The following PIKFYVE variants were observed in gnomAD, a reference collection of about 807,000 sequenced individuals.
PIKFYVE encodes the protein 1-phosphatidylinositol 3-phosphate 5-kinase.
PIKFYVE carries 122 observed loss-of-function variants against 257.9 expected under a neutral mutation model. The ratio of observed to expected loss-of-function variants is 0.47; its 90% confidence interval spans 0.41 to 0.55. The LOEUF (loss-of-function observed/expected upper bound fraction) is 0.55. Among genes scored for constraint, PIKFYVE ranks in the 20% least tolerant of loss-of-function variants. The pLI, the probability that PIKFYVE is intolerant of heterozygous loss-of-function variation, is 0.00. For missense variants in PIKFYVE, 2,160 were observed against 2,536.6 expected (o/e 0.85, Z 3.19); for synonymous variants, 892 against 868.9 (o/e 1.03, Z -0.47).
rs759191756 is a variant in PIKFYVE, at chr2:208,345,144, G to A, written c.5061G>A (p.Leu1687=). The change falls in exon 33 of 42, where the codon TTG becomes TTA. Residue 1687 remains leucine, a synonymous_variant. Coordinates refer to ENST00000264380, the MANE Select transcript of PIKFYVE (RefSeq NM_015040.4). ...CKEYRNALEE[L]SKATQWNSAE... Reference sequence around the variant, plus strand: ...AATACCGAAATGCCTTAGAGGAATTGTCTAAAGCGACTCAGTGGAACAGTG... The same window carrying A: ...AATACCGAAATGCCTTAGAGGAATTATCTAAAGCGACTCAGTGGAACAGTG... 1 of 1,612,386 alleles carries A rather than the reference G, an allele frequency of 6.2e-7. No individual in the cohort carries two copies. Among genetic ancestry groups the A allele is most frequent in the Non-Finnish European group, 8.5e-7 (1 of 1,178,656 alleles).
intron 12 of PIKFYVE, 146 bp downstream of exon 12, chr2:208,305,159 C>G (rs905305497): frequency 1.3e-6 from 2 of 1,538,536 alleles, no homozygotes; most frequent in Non-Finnish European, 1.8e-6. Context: ...TCTCATTTCT[C>G]CCACACCTCC....
At chr2:208,312,903 C>G (rs1054244529) in intron 13 of PIKFYVE, among the ~76,000 whole-genome samples, 1 of 152,130 alleles carries the variant, frequency 6.6e-6, no homozygotes, top group South Asian at 2.1e-4. Context: ...TTCTTGGCTC[C>G]CACGGTTTCA....
At chr2:208,340,272 G>A in intron 31 of PIKFYVE, 141 bp downstream of exon 31, 2 of 1,117,750 alleles carry the variant, frequency 1.8e-6, no homozygotes, top group Non-Finnish European at 1.3e-6. Context: ...GATGTCTTTT[G>A]ATACAATGTA....
chr2:208,335,192 A>T (rs1270598396), intron 24 of PIKFYVE, 114 bp from the exon 25 acceptor site: 9 of 749,814 alleles, frequency 1.2e-5, no homozygotes, highest in Non-Finnish European at 1.8e-5. Flanking sequence ...ATACGATTTT[A>T]TAGAAACTTT....
intron 22 of PIKFYVE, 59 bp downstream of exon 22, chr2:208,329,972 G>C (rs1437414): frequency 0.97 from 1,544,593 of 1,588,948 alleles, 752,168 homozygotes; most frequent in Non-Finnish European, 0.98. Context: ...AAAATTTCAA[G>C]CTAAAACGTA....
At chr2:208,337,847 G>A (rs1390542158) in intron 28 of PIKFYVE, among the ~76,000 whole-genome samples, 4 of 151,924 alleles carry the variant, frequency 2.6e-5, no homozygotes, top group African/African-American at 9.7e-5. Flanking sequence ...TCAGCCTCTC[G>A]AGTAGCTGGG....
chr2:208,268,384 G>A (rs890160350), intron 1 of PIKFYVE, among the ~76,000 whole-genome samples: 6 of 149,198 alleles, frequency 4.0e-5, no homozygotes, highest in Non-Finnish European at 8.9e-5. Context: ...TCCAGGGGTG[G>A]TTGTTACGGC....
intron 6 of PIKFYVE, among the ~76,000 whole-genome samples, chr2:208,287,387 C>T (rs964295324): frequency 2.0e-5 from 3 of 151,456 alleles, no homozygotes; most frequent in Admixed American, 6.6e-5. Context: ...GATTCTCCTG[C>T]CTCAACCTCC....
At chr2:208,334,935 CAA>C (rs1448609833) in intron 24 of PIKFYVE, among the ~76,000 whole-genome samples, 1 of 152,002 alleles carries the variant, frequency 6.6e-6, no homozygotes, top group Non-Finnish European at 1.5e-5. Context: ...GAAAGGAAAC[CAA>C]AGACTCATGA....
rs1696048975 is a variant in PIKFYVE at position 208,320,183 on chromosome 2, G to A, written c.2083-69G>A. On this transcript the variant is annotated intron_variant, in intron 16 of 41. Coordinates refer to ENST00000264380, the MANE Select transcript of PIKFYVE (RefSeq NM_015040.4). The stretch of plus-strand genomic sequence containing the variant: ...GAATTATGAACAATATAGATTTAAA[G>A]TTATAATTAAAGGAGGGCTGTAAAA... 10 of 1,556,020 alleles carry A rather than the reference G, an allele frequency of 6.4e-6. No individual in the cohort carries two copies. In the South Asian group the frequency reaches 1.2e-4, roughly 18 times the overall value.
At chr2:208,324,418 A>G in intron 18 of PIKFYVE, 136 bp downstream of exon 18, 1 of 882,784 alleles carries the variant, frequency 1.1e-6, no homozygotes, top group Non-Finnish European at 1.7e-6. Flanking sequence ...AAGATATGGC[A>G]CCTATTTCAT....
At chr2:208,302,742 T>C (rs1693846516) in intron 10 of PIKFYVE, among the ~76,000 whole-genome samples, 1 of 152,172 alleles carries the variant, frequency 6.6e-6, no homozygotes, top group South Asian at 2.1e-4. Flanking sequence ...TGAAAAATTT[T>C]ATGGCATCTA....
At chr2:208,317,091 A>T (rs1695614807) in intron 15 of PIKFYVE, among the ~76,000 whole-genome samples, 1 of 148,416 alleles carries the variant, frequency 6.7e-6, no homozygotes, top group South Asian at 2.2e-4. Context: ...TTCATGTCTA[A>T]AACACCAAAA....
At chr2:208,328,420 C>A in intron 21 of PIKFYVE, 140 bp downstream of exon 21, 1 of 1,005,854 alleles carries the variant, frequency 9.9e-7, no homozygotes. Flanking sequence ...ATTGATAGAA[C>A]TTTTAAACTT....
At chr2:208,354,197 A>G in intron 40 of PIKFYVE, 38 bp downstream of exon 40, 1 of 1,598,326 alleles carries the variant, frequency 6.3e-7, no homozygotes, top group Non-Finnish European at 8.5e-7. Flanking sequence ...TTCATGATTG[A>G]AGTCAGAGTC....
Position 208,304,167 on chromosome 2 carries a change from T to A in PIKFYVE, c.1321-4T>A. On this transcript the variant is annotated splice_polypyrimidine_tract_variant and splice_region_variant and intron_variant, in intron 10 of 41. Transcript: ENST00000264380. ...TTGCTTGGATCCTGTCTTCATCCTT[T>A]CAGAGTACAGAATTTTCTGAGACGC... is the stretch of plus-strand genomic sequence containing the variant. 1 of 1,614,130 alleles carries A rather than the reference T, an allele frequency of 6.2e-7. No individual in the cohort carries two copies. The highest frequency in any genetic ancestry group is 8.5e-7 in the Non-Finnish European group (1 of 1,179,982).
chr2:208,276,766 T>C lies in PIKFYVE; in HGVS notation c.377T>C (p.Val126Ala). 1 of 1,613,708 alleles carries C rather than the reference T, an allele frequency of 6.2e-7. No individual in the cohort carries two copies. Among genetic ancestry groups the C allele is most frequent in the Non-Finnish European group, 8.5e-7 (1 of 1,179,680 alleles). The change falls in exon 4 of 42, where the codon GTT becomes GCT. Residue 126 changes from valine (V) to alanine (A), a missense_variant. This residue lies in a region of PIKFYVE where 172 missense variants were observed against 180.6 expected (regional missense o/e 0.95). Transcript: ENST00000264380. ...TFGGHDPRTA[V>A]QLRSLSTVLK... ...GGAGGTCATGACCCTCGTACAGCTG[T>C]TCAGCTTCGAAGCCTCAGCACAGTA... is the stretch of plus-strand genomic sequence containing the variant.
intron 32 of PIKFYVE, among the ~76,000 whole-genome samples, chr2:208,343,833 CTTT>C (rs10582492): frequency 2.3e-4 from 31 of 135,370 alleles, no homozygotes; most frequent in Admixed American, 4.4e-4. Flanking sequence ...AGCTTTTAAA[CTTT>C]TTTTTTTTTT....
chr2:208,314,187 G>T, intron 13 of PIKFYVE, 107 bp from the exon 14 acceptor site: 1 of 1,264,984 alleles, frequency 7.9e-7, no homozygotes, highest in Non-Finnish European at 1.1e-6. Flanking sequence ...ATTTATGTTG[G>T]CTAACTTAAA....
Sources: gnomAD v4.1 joint callset for allele counts (sites outside exome capture counted in the v4.1 genomes callset) on GRCh38, gnomAD v4.1.1 for gene constraint, gnomAD v4.1.1 regional missense constraint, MANE v1.5 for transcripts, NCBI Gene and HGNC (gene_info 2026-07-23, HGNC 2026-07-21) for gene names.